SYT16: variants seen among roughly 807,000 people sequenced by gnomAD.
SYT16 encodes the protein synaptotagmin 16.
Under a neutral mutation model 61.4 loss-of-function variants are expected in SYT16, and 42 were observed. The ratio of observed to expected loss-of-function variants is 0.68; its 90% CI spans 0.53 to 0.89. The LOEUF is 0.89. Among genes scored for constraint, SYT16 ranks in the 40% least tolerant of loss-of-function variants. SYT16 has a pLI of 0.00. For missense variants in SYT16, 804 were observed against 807.3 expected (o/e 1.00, Z 0.05); for synonymous variants, 314 against 302.3 (o/e 1.04, Z -0.40).
chr14:61,902,826 A>G (rs1382549769), intron 1 of SYT16, among the ~76,000 whole-genome samples: 2 of 152,214 alleles, frequency 1.3e-5, no homozygotes, highest in African/African-American at 2.4e-5. Context: ...GCCAAGTGCA[A>G]TTGGTTTCCC....
chr14:62,043,660 G>T (rs955065774), intron 3 of SYT16, among the ~76,000 whole-genome samples: 5 of 152,040 alleles, frequency 3.3e-5, no homozygotes, highest in African/African-American at 7.2e-5. Context: ...ACCTGCCTTG[G>T]CCTCCCAAAG....
chr14:61,951,292 C>A (rs1340961997), intron 1 of SYT16, among the ~76,000 whole-genome samples: 1 of 152,098 alleles, frequency 6.6e-6, no homozygotes, highest in East Asian at 1.9e-4. Context: ...TTAGGCAAGT[C>A]CTTAAGCATC....
At chr14:62,047,774 C>T (rs1461287497) in intron 3 of SYT16, among the ~76,000 whole-genome samples, 5 of 152,050 alleles carry the variant, frequency 3.3e-5, no homozygotes, top group African/African-American at 4.8e-5. Flanking sequence ...TGCTGGATTA[C>T]GTTTATTGAT....
intron 1 of SYT16, chr14:61,865,359 G>T: frequency 1.5e-6 from 1 of 658,980 alleles, no homozygotes. Context: ...AAGGGAAACA[G>T]GGCACACAAG....
chr14:62,022,531 T>C (rs2053950387), intron 3 of SYT16, among the ~76,000 whole-genome samples: 1 of 152,094 alleles, frequency 6.6e-6, no homozygotes, highest in Non-Finnish European at 1.5e-5. Flanking sequence ...GTGTTTGATG[T>C]TTCATTCATT....
chr14:61,869,487 A>G (rs1278979861), intron 1 of SYT16, among the ~76,000 whole-genome samples: 1 of 152,140 alleles, frequency 6.6e-6, no homozygotes, highest in Non-Finnish European at 1.5e-5. Flanking sequence ...CTACTTTCAA[A>G]TAATATTACA....
chr14:61,842,397 G>T lies in SYT16; in HGVS notation c.-325+29587G>T, dbSNP rs541862397. ...ATGAGTTCGATTGCTTTGAATTTTA[G>T]GTCCCACAAATAAATGAGAGCATGC... is the stretch of plus-strand genomic sequence containing the variant. On this transcript the variant is annotated intron_variant, in intron 1 of 7. Transcript: ENST00000683842. Among the ~76,000 whole-genome samples the T allele has an allele frequency of 2.0e-5, 3 of 152,160 alleles. No homozygotes were observed. In the East Asian group the frequency reaches 5.8e-4, roughly 29 times the overall value.
intron 7 of SYT16, among the ~76,000 whole-genome samples, chr14:62,087,317 C>T (rs1043331435): frequency 1.1e-4 from 16 of 151,602 alleles, no homozygotes; most frequent in Non-Finnish European, 4.4e-5. Flanking sequence ...GCACCGCTCC[C>T]CACGGCAGAG....
intron 1 of SYT16, among the ~76,000 whole-genome samples, chr14:61,843,540 T>A (rs975327198): frequency 1.3e-5 from 2 of 152,314 alleles, no homozygotes; most frequent in African/African-American, 2.4e-5. Context: ...AGTTTGAGGT[T>A]TTAGATTTAA....
At chr14:61,929,393 G>A (rs1410610692) in intron 1 of SYT16, among the ~76,000 whole-genome samples, 1 of 152,208 alleles carries the variant, frequency 6.6e-6, no homozygotes, top group Admixed American at 6.5e-5. Context: ...TTGTTTGTAG[G>A]GGAGGATGCG....
At chr14:62,085,743 G>T (rs1227944597) in intron 7 of SYT16, among the ~76,000 whole-genome samples, 1 of 152,126 alleles carries the variant, frequency 6.6e-6, no homozygotes, top group African/African-American at 2.4e-5. Context: ...AATAGACTGG[G>T]TTTATCAGCC....
rs191524764 is a variant in SYT16 at position 61,933,137 on chromosome 14, G to A, written c.-324-36995G>A. 2.0e-4 allele frequency among the ~76,000 whole-genome samples: 31 copies of A among 152,202 alleles called. No individual in the cohort carries two copies. The East Asian group carries it at 2.1e-3, about 10-fold the overall frequency. On this transcript the variant is annotated intron_variant, in intron 1 of 7. Transcript: ENST00000683842. ...TGTTTGTTTGTTATATTCTTTTGTCGGTTTATGGAGTGTTCCGTGGAGCCC... is the reference window on the plus strand; with the variant it reads ...TGTTTGTTTGTTATATTCTTTTGTCAGTTTATGGAGTGTTCCGTGGAGCCC...
chr14:62,054,238 G>A (rs1566802398), intron 3 of SYT16, among the ~76,000 whole-genome samples: 1 of 151,398 alleles, frequency 6.6e-6, no homozygotes, highest in Non-Finnish European at 1.5e-5. Context: ...ATTTTATCAG[G>A]GAATCATTTG....
At chr14:62,076,613 G>A (rs955778541) in intron 5 of SYT16, among the ~76,000 whole-genome samples, 1 of 151,982 alleles carries the variant, frequency 6.6e-6, no homozygotes, top group Admixed American at 6.5e-5. Flanking sequence ...TTTGTGGCTT[G>A]TTAAAAAGCA....
chr14:61,936,175 T>C (rs2049973093), intron 1 of SYT16, among the ~76,000 whole-genome samples: 1 of 152,178 alleles, frequency 6.6e-6, no homozygotes, highest in Admixed American at 6.5e-5. Flanking sequence ...TCCATCTGAT[T>C]TTCAGTTTTC....
At chr14:61,953,577 G>C (rs1408216651) in intron 1 of SYT16, among the ~76,000 whole-genome samples, 1 of 152,114 alleles carries the variant, frequency 6.6e-6, no homozygotes, top group Non-Finnish European at 1.5e-5. Flanking sequence ...ACTGTTGCTG[G>C]AGCCAATTGC....
At chr14:61,942,159 G>T (rs1425659510) in intron 1 of SYT16, among the ~76,000 whole-genome samples, 1 of 152,232 alleles carries the variant, frequency 6.6e-6, no homozygotes, top group Non-Finnish European at 1.5e-5. Flanking sequence ...ACATCAAGTT[G>T]TTGGAGTGAT....
At chr14:61,936,871 G>GT (rs1366858026) in intron 1 of SYT16, among the ~76,000 whole-genome samples, 1 of 152,134 alleles carries the variant, frequency 6.6e-6, no homozygotes, top group African/African-American at 2.4e-5. Flanking sequence ...CTGTTTTCAG[G>GT]TTTTCTAAAA....
At chr14:61,833,253 A>G (rs1419265515) in intron 1 of SYT16, among the ~76,000 whole-genome samples, 1 of 149,516 alleles carries the variant, frequency 6.7e-6, no homozygotes, top group Admixed American at 6.6e-5. Flanking sequence ...CAAGTCCTAG[A>G]TTTCTATTTC....
Sources: gnomAD v4.1 joint callset for allele counts (sites outside exome capture counted in the v4.1 genomes callset) on GRCh38, gnomAD v4.1.1 for gene constraint, MANE v1.5 for transcripts, NCBI Gene and HGNC (gene_info 2026-07-23, HGNC 2026-07-21) for gene names.